The following UBE2G1 variants were observed in gnomAD, a reference collection of about 807,000 sequenced individuals.
UBE2G1 encodes ubiquitin conjugating enzyme E2 G1.
A neutral mutation model predicts 22.7 loss-of-function variants in UBE2G1; 5 were observed. The ratio of observed to expected loss-of-function variants is 0.22; its 90% CI spans 0.12 to 0.46. UBE2G1 has a LOEUF of 0.46. Among genes scored for constraint, UBE2G1 ranks in the 20% least tolerant of loss-of-function variants. The pLI, the probability that UBE2G1 is intolerant of heterozygous loss-of-function variation, is 0.99. For missense variants in UBE2G1, 88 were observed against 203.9 expected, an observed-to-expected ratio of 0.43 and a Z score of 3.46; for synonymous variants, 74 against 67.5, an observed-to-expected ratio of 1.10 and a Z score of -0.47.
At chr17:4,358,441 ATTT>A (rs1028470078) in intron 1 of UBE2G1, among the ~76,000 whole-genome samples, 3 of 150,454 alleles carry the variant, frequency 2.0e-5, no homozygotes, top group Admixed American at 1.3e-4. Flanking sequence ...AATTTTGCCC[ATTT>A]TTTTGAATTG....
intron 1 of UBE2G1, among the ~76,000 whole-genome samples, chr17:4,358,234 T>A (rs538730291): frequency 2.0e-5 from 3 of 152,304 alleles, no homozygotes; most frequent in Admixed American, 2.0e-4. Context: ...GCTATTTGTA[T>A]GTCCTCTTCA....
At chr17:4,274,927 T>TGTAGTCCCAGCTACTCGAGAGGCTGAA (rs61291097) in intron 5 of UBE2G1, among the ~76,000 whole-genome samples, 2 of 151,926 alleles carry the variant, frequency 1.3e-5, no homozygotes, top group South Asian at 4.2e-4. Flanking sequence ...GGCACATGCC[T>TGTAGTCCCAGCTACTCGAGAGGCTGAA]GTGGGAGGAC....
intron 1 of UBE2G1, among the ~76,000 whole-genome samples, chr17:4,363,883 C>T (rs1464129737): frequency 7.9e-6 from 1 of 127,346 alleles, no homozygotes; most frequent in East Asian, 2.6e-4. Context: ...ACCCGGGAGG[C>T]GGAGCTTGCA....
intron 1 of UBE2G1, among the ~76,000 whole-genome samples, chr17:4,324,807 G>A (rs1969483004): frequency 6.6e-6 from 1 of 152,156 alleles, no homozygotes; most frequent in Non-Finnish European, 1.5e-5. Flanking sequence ...GCCGGGCGCG[G>A]TGGCTCACGC....
intron 3 of UBE2G1, among the ~76,000 whole-genome samples, chr17:4,291,636 C>T (rs1969043755): frequency 6.6e-6 from 1 of 151,952 alleles, no homozygotes; most frequent in African/African-American, 2.4e-5. Flanking sequence ...TTAAACATAC[C>T]ATTTATTTTA....
At chr17:4,277,158 G>A (rs970830470) in intron 5 of UBE2G1, among the ~76,000 whole-genome samples, 17 of 152,314 alleles carry the variant, frequency 1.1e-4, no homozygotes, top group African/African-American at 4.1e-4. Context: ...GAGGTCTTCA[G>A]TAGACAGAAC....
chr17:4,294,481 C>T (rs1250283975), intron 3 of UBE2G1, among the ~76,000 whole-genome samples: 1 of 150,684 alleles, frequency 6.6e-6, no homozygotes, highest in Non-Finnish European at 1.5e-5. Context: ...AAAGTCTCTT[C>T]AACCTTAAAA....
chr17:4,352,107 A>G (rs1969852548), intron 1 of UBE2G1, among the ~76,000 whole-genome samples: 1 of 152,200 alleles, frequency 6.6e-6, no homozygotes, highest in South Asian at 2.1e-4. Context: ...TATATTTGAC[A>G]CATCCTCAAA....
At chr17:4,286,897 T>A (rs1968970198) in intron 4 of UBE2G1, among the ~76,000 whole-genome samples, 1 of 151,746 alleles carries the variant, frequency 6.6e-6, no homozygotes, top group African/African-American at 2.4e-5. Flanking sequence ...CACAAAAAAA[T>A]TGCTGGGCGT....
intron 1 of UBE2G1, among the ~76,000 whole-genome samples, chr17:4,348,553 A>C (rs1171052602): frequency 1.7e-5 from 2 of 118,348 alleles, no homozygotes; most frequent in Non-Finnish European, 3.2e-5. Flanking sequence ...ACTCCGTCTC[A>C]AAAAAAAAAA....
intron 1 of UBE2G1, among the ~76,000 whole-genome samples, chr17:4,322,512 T>C (rs1368854661): frequency 6.6e-6 from 1 of 152,250 alleles, no homozygotes; most frequent in African/African-American, 2.4e-5. Flanking sequence ...AGAGCCCTGC[T>C]GCATGATCAG....
At chr17:4,317,583 G>GA (rs999212992) in intron 1 of UBE2G1, among the ~76,000 whole-genome samples, 5 of 152,240 alleles carry the variant, frequency 3.3e-5, no homozygotes, top group African/African-American at 1.2e-4. Context: ...AAAACATAAG[G>GA]AAAATGAAAC....
intron 1 of UBE2G1, among the ~76,000 whole-genome samples, chr17:4,352,600 T>G (rs1219948166): frequency 6.6e-6 from 1 of 152,216 alleles, no homozygotes; most frequent in Non-Finnish European, 1.5e-5. Flanking sequence ...TGTTAATTTT[T>G]GTAGTAATTT....
chr17:4,304,623 A>G (rs568624059), intron 2 of UBE2G1, among the ~76,000 whole-genome samples: 1 of 152,286 alleles, frequency 6.6e-6, no homozygotes, highest in African/African-American at 2.4e-5. Context: ...TAGTGACTAC[A>G]TGAGGGCTAA....
intron 2 of UBE2G1, chr17:4,301,278 G>A (rs1350412382): frequency 1.5e-5 from 6 of 396,316 alleles, no homozygotes; most frequent in East Asian, 6.0e-5. Context: ...GCTGTGCTCC[G>A]TGGGCACTGC....
At chr17:4,359,654 C>G (rs531288353) in intron 1 of UBE2G1, among the ~76,000 whole-genome samples, 2 of 152,218 alleles carry the variant, frequency 1.3e-5, no homozygotes, top group East Asian at 3.9e-4. Context: ...GCCAAGGAGA[C>G]CATCCTGGCC....
intron 1 of UBE2G1, among the ~76,000 whole-genome samples, chr17:4,352,824 C>T (rs1448092643): frequency 2.0e-5 from 3 of 152,152 alleles, no homozygotes; most frequent in Non-Finnish European, 4.4e-5. Context: ...CCTGTAATCC[C>T]AGCACTTTGG....
At chr17:4,357,798 CA>C (rs998135262) in intron 1 of UBE2G1, among the ~76,000 whole-genome samples, 1 of 150,478 alleles carries the variant, frequency 6.6e-6, no homozygotes, top group African/African-American at 2.4e-5. Context: ...AACTCTGTCT[CA>C]AAAAAAACAA....
intron 1 of UBE2G1, among the ~76,000 whole-genome samples, chr17:4,358,703 G>A (rs1041044025): frequency 1.3e-4 from 20 of 152,122 alleles, no homozygotes; most frequent in African/African-American, 4.3e-4. Context: ...TGTAATCCCA[G>A]CACTTTGGGA....
Sources: gnomAD v4.1 joint callset for allele counts (sites outside exome capture counted in the v4.1 genomes callset) on GRCh38, gnomAD v4.1.1 for gene constraint, MANE v1.5 for transcripts, NCBI Gene and HGNC (gene_info 2026-07-23, HGNC 2026-07-21) for gene names.